APBB2: variants seen among roughly 807,000 people sequenced by gnomAD.
APBB2 encodes the protein Fe65-like 1.
A neutral mutation model predicts 82.5 loss-of-function variants in APBB2; 38 were observed. The observed-to-expected ratio is 0.46, with a 90% CI of 0.36 to 0.60. The LOEUF is 0.60. APBB2 is among the 20% of genes least tolerant of loss of function. The pLI, the probability that APBB2 is intolerant of heterozygous loss-of-function variation, is 0.00. For missense variants in APBB2, 772 were observed against 972.3 expected, an observed-to-expected ratio of 0.79 and a Z score of 2.74; for synonymous variants, 341 against 368.2, an observed-to-expected ratio of 0.93 and a Z score of 0.85.
At chr4:41,181,958 A>G (rs910965402) in intron 1 of APBB2, among the ~76,000 whole-genome samples, 15 of 151,808 alleles carry the variant, frequency 9.9e-5, no homozygotes, top group South Asian at 8.3e-4. Flanking sequence ...AAAAAAAAAA[A>G]AAAGAAAAAG....
At chr4:41,188,804 C>CT (rs1298938818) in intron 1 of APBB2, among the ~76,000 whole-genome samples, 2 of 152,054 alleles carry the variant, frequency 1.3e-5, no homozygotes, top group African/African-American at 4.8e-5. Context: ...GTCTGGGCTA[C>CT]TAGGGAGGCT....
chr4:41,015,040 C>T (rs1809497380), intron 5 of APBB2, among the ~76,000 whole-genome samples: 2 of 152,208 alleles, frequency 1.3e-5, no homozygotes, highest in Non-Finnish European at 2.9e-5. Context: ...TTCTGAAGAA[C>T]ACGTACACAC....
At chr4:40,929,456 T>C (rs1426736186) in intron 10 of APBB2, among the ~76,000 whole-genome samples, 2 of 152,106 alleles carry the variant, frequency 1.3e-5, no homozygotes, top group Non-Finnish European at 2.9e-5. Flanking sequence ...CCCACCACCA[T>C]GCCCAGCTAA....
intron 10 of APBB2, among the ~76,000 whole-genome samples, chr4:40,916,531 C>G (rs1324096026): frequency 6.6e-6 from 1 of 152,162 alleles, no homozygotes; most frequent in Non-Finnish European, 1.5e-5. Context: ...GATATGTTTC[C>G]CTTTGAAAGA....
intron 17 of APBB2, among the ~76,000 whole-genome samples, chr4:40,817,849 C>A (rs1185727357): frequency 1.3e-5 from 2 of 152,118 alleles, no homozygotes; most frequent in Non-Finnish European, 2.9e-5. Flanking sequence ...TGATTGATTA[C>A]ACGTCTCCTC....
intron 4 of APBB2, among the ~76,000 whole-genome samples, chr4:41,035,330 T>C (rs892633105): frequency 5.9e-5 from 9 of 152,228 alleles, no homozygotes; most frequent in Non-Finnish European, 8.8e-5. Context: ...GATACATTGT[T>C]AATTATATTT....
At chr4:40,836,327 A>G (rs1753928939) in intron 12 of APBB2, among the ~76,000 whole-genome samples, 2 of 152,160 alleles carry the variant, frequency 1.3e-5, no homozygotes, top group African/African-American at 4.8e-5. Context: ...AAATACAAAA[A>G]TTAGGCGGGT....
intron 6 of APBB2, among the ~76,000 whole-genome samples, chr4:40,972,760 T>C (rs1309335028): frequency 6.6e-6 from 1 of 152,192 alleles, no homozygotes; most frequent in Non-Finnish European, 1.5e-5. Context: ...ACGAATCCCA[T>C]GAAGTTTTAA....
At chr4:40,973,744 G>T (rs533569439) in intron 6 of APBB2, among the ~76,000 whole-genome samples, 17 of 152,188 alleles carry the variant, frequency 1.1e-4, no homozygotes, top group Non-Finnish European at 2.5e-4. Context: ...GACATTCCTT[G>T]GTTTGTGGCA....
intron 6 of APBB2, among the ~76,000 whole-genome samples, chr4:40,978,103 T>A (rs1797631927): frequency 6.6e-6 from 1 of 152,238 alleles, no homozygotes; most frequent in South Asian, 2.1e-4. Context: ...CTGGATTGTT[T>A]TCTTAACCTT....
Position 40,812,335 on chromosome 4 carries a change from T to C in APBB2, c.*3757A>G, listed in dbSNP as rs1201178009. ...CAGCTAAATTTATTCTCACAACAAA[T>C]TACATTTAAATGTGTAAAAGTGGTC... On this transcript the variant is annotated 3_prime_UTR_variant, in exon 18 of 18. Transcript: ENST00000508593. 1.3e-5 allele frequency: 2 copies of C among 152,196 alleles called. No homozygotes were observed. The highest frequency in any genetic ancestry group is 2.9e-5 in the Non-Finnish European group (2 of 68,036). The allele number at this position is 152,196 out of a possible 1,614,324, so 9.4% of individuals were successfully genotyped here.
intron 1 of APBB2, among the ~76,000 whole-genome samples, chr4:41,173,103 A>C (rs1768781561): frequency 6.6e-6 from 1 of 152,230 alleles, no homozygotes; most frequent in Non-Finnish European, 1.5e-5. Flanking sequence ...GACTCTACTA[A>C]TAACTTCCAT....
chr4:41,191,880 C>T (rs1774540359), intron 1 of APBB2, among the ~76,000 whole-genome samples: 1 of 152,110 alleles, frequency 6.6e-6, no homozygotes, highest in Non-Finnish European at 1.5e-5. Flanking sequence ...AACCATATAC[C>T]TAATATGGCG....
intron 4 of APBB2, among the ~76,000 whole-genome samples, chr4:41,045,869 T>G (rs771782313): frequency 6.6e-6 from 1 of 152,214 alleles, no homozygotes; most frequent in Non-Finnish European, 1.5e-5. Flanking sequence ...AAGGAATGAA[T>G]AGAAGAGTTC....
chr4:40,972,143 T>G (rs112104815), intron 6 of APBB2, among the ~76,000 whole-genome samples: 1 of 152,162 alleles, frequency 6.6e-6, no homozygotes, highest in East Asian at 1.9e-4. Flanking sequence ...AATAGCAAAA[T>G]CCTGGCCGGC....
chr4:41,078,486 G>A (rs1016832162), intron 3 of APBB2, among the ~76,000 whole-genome samples: 1 of 152,114 alleles, frequency 6.6e-6, no homozygotes. Flanking sequence ...TATAAACAAG[G>A]AAACAGATAA....
intron 6 of APBB2, among the ~76,000 whole-genome samples, chr4:40,976,302 G>A (rs972474816): frequency 1.3e-5 from 2 of 152,042 alleles, no homozygotes; most frequent in South Asian, 2.1e-4. Context: ...TCATAGCAGC[G>A]AGTGGCAAGT....
At chr4:41,103,151 T>C (rs372567036) in intron 2 of APBB2, among the ~76,000 whole-genome samples, 2 of 152,242 alleles carry the variant, frequency 1.3e-5, no homozygotes, top group East Asian at 3.8e-4. Context: ...AAGATTGTCT[T>C]TCACAATGTT....
chr4:41,196,829 T>G lies in APBB2; in HGVS notation c.-417+17576A>C. 7.8e-4 allele frequency among the ~76,000 whole-genome samples: 119 copies of G among 152,236 alleles called. 1 individual carries two copies. The highest frequency in any genetic ancestry group is 2.7e-3 in the African/African-American group (114 of 41,536). ...AAAATAAAACTAAGTGAGACCACAG[T>G]TGAAATCATGCATTTGCCATCATAG... is the stretch of plus-strand genomic sequence containing the variant. On this transcript the variant is annotated intron_variant, in intron 1 of 17. Transcript: ENST00000508593.
Sources: allele counts gnomAD v4.1 joint callset (sites outside exome capture counted in the v4.1 genomes callset), GRCh38; gene constraint gnomAD v4.1.1; transcripts MANE v1.5; gene names NCBI Gene and HGNC (gene_info 2026-07-23, HGNC 2026-07-21).